Variants in ZNF536 observed in about 807,000 individuals in gnomAD.
The protein encoded by ZNF536 is zinc finger protein 536.
In ZNF536, 13 loss-of-function variants were observed where a neutral mutation model predicts 84.5. The observed-to-expected ratio is 0.15, with a 90% CI of 0.10 to 0.24. ZNF536 has a LOEUF of 0.24. ZNF536 is among the 10% of genes least tolerant of loss of function. The pLI is 1.00. For synonymous variants in ZNF536, 811 were observed against 742.5 expected (o/e 1.09, Z -1.50); for missense variants, 1,536 against 1,747.5 (o/e 0.88, Z 2.16).
At chr19:30,428,787 T>C (rs1178305063) in intron 1 of ZNF536, among the ~76,000 whole-genome samples, 1 of 152,202 alleles carries the variant, frequency 6.6e-6, no homozygotes, top group East Asian at 1.9e-4. Flanking sequence ...ATTTTCTCCC[T>C]TGTGCAGAGA....
upstream of ZNF536, among the ~76,000 whole-genome samples, chr19:30,368,633 C>T (rs531528614): frequency 2.0e-5 from 3 of 152,336 alleles, no homozygotes; most frequent in African/African-American, 4.8e-5. Context: ...AAACTCAACA[C>T]GTTGATGACC....
At chr19:30,650,973 A>G (rs2049679005) in intron 1 of ZNF536, among the ~76,000 whole-genome samples, 1 of 152,250 alleles carries the variant, frequency 6.6e-6, no homozygotes, top group Non-Finnish European at 1.5e-5. Flanking sequence ...AATATATGTG[A>G]ATGACTGCAT....
At chr19:30,585,061 C>A (rs2146718664) in intron 1 of ZNF536, among the ~76,000 whole-genome samples, 1 of 151,758 alleles carries the variant, frequency 6.6e-6, no homozygotes, top group African/African-American at 2.4e-5. Flanking sequence ...GGCTGGAATT[C>A]AGTGGCCATG....
At chr19:30,512,381 T>C (rs2055449386) in intron 2 of ZNF536, among the ~76,000 whole-genome samples, 1 of 152,182 alleles carries the variant, frequency 6.6e-6, no homozygotes. Flanking sequence ...TAAATGCCAT[T>C]ATTAACATCA....
At chr19:30,692,491 A>G (rs2051452441) in intron 1 of ZNF536, among the ~76,000 whole-genome samples, 1 of 152,222 alleles carries the variant, frequency 6.6e-6, no homozygotes, top group Non-Finnish European at 1.5e-5. Context: ...GAGATTGTAG[A>G]AGGCAAGTCA....
At chr19:30,685,044 A>C (rs1203733388) in intron 1 of ZNF536, among the ~76,000 whole-genome samples, 4 of 152,148 alleles carry the variant, frequency 2.6e-5, no homozygotes, top group African/African-American at 9.7e-5. Context: ...TGATTAGCCT[A>C]CCAGATTGGA....
At chr19:30,542,349 C>A (rs572289490) in intron 3 of ZNF536, among the ~76,000 whole-genome samples, 1 of 152,160 alleles carries the variant, frequency 6.6e-6, no homozygotes, top group African/African-American at 2.4e-5. Context: ...CTAATTAAAC[C>A]ACCTGGTCGT....
chr19:30,712,608 G>A (rs931253373), exon 2 of ZNF536: 3 of 152,070 alleles, frequency 2.0e-5, no homozygotes, highest in Admixed American at 6.5e-5. Context: ...TAAGGAATCC[G>A]GTTTGCATAT....
At chr19:30,413,166 T>C (rs776858545) in intron 1 of ZNF536, among the ~76,000 whole-genome samples, 12 of 152,164 alleles carry the variant, frequency 7.9e-5, no homozygotes, top group Non-Finnish European at 1.8e-4. Context: ...CTGTTTTTAG[T>C]TGTATTGAAT....
intron 1 of ZNF536, among the ~76,000 whole-genome samples, chr19:30,384,059 C>A (rs1255534028): frequency 2.1e-5 from 3 of 143,518 alleles, no homozygotes; most frequent in African/African-American, 5.2e-5. Flanking sequence ...TACTCACTTA[C>A]TCCTCCCCTT....
At chr19:30,394,542 C>T (rs1250064347) in intron 1 of ZNF536, among the ~76,000 whole-genome samples, 2 of 152,204 alleles carry the variant, frequency 1.3e-5, no homozygotes, top group Non-Finnish European at 2.9e-5. Flanking sequence ...AGAGGAAGCT[C>T]CTTCTTCAGC....
chr19:30,269,024 T>A (rs2025673861), intron 1 of ZNF536, among the ~76,000 whole-genome samples: 1 of 152,202 alleles, frequency 6.6e-6, no homozygotes, highest in Admixed American at 6.5e-5. Flanking sequence ...ACAATGCAAG[T>A]CCCGCTCAGG....
At chr19:30,649,019 C>T (rs1371004437) in intron 1 of ZNF536, among the ~76,000 whole-genome samples, 2 of 152,108 alleles carry the variant, frequency 1.3e-5, no homozygotes, top group East Asian at 1.9e-4. Flanking sequence ...CACTTCAGGG[C>T]GATGGGGTAG....
At position 30,647,091 on chromosome 19, in the gene ZNF536, CT is replaced by C. The variant is rs201362597; in HGVS notation, c.170-63665del. Among the ~76,000 whole-genome samples, 92 of 152,290 alleles carry C rather than the reference CT, an allele frequency of 6.0e-4. No homozygotes were observed. The East Asian group carries it at 0.018, about 29-fold the overall frequency. On this transcript the variant is annotated intron_variant, in intron 1 of 1. Transcript: ENST00000592773. ...CTTAAAGTCCCAGTAAATTATACCC[CT>C]GGTTTCCCTCTTGAATTCCTTTTTG...
chr19:30,294,997 G>T (rs1600110759), intron 2 of ZNF536, among the ~76,000 whole-genome samples: 2 of 152,284 alleles, frequency 1.3e-5, no homozygotes, highest in Admixed American at 6.5e-5. Context: ...CTACCTGAAG[G>T]GTGGGTGTCT....
At chr19:30,547,218 T>G (rs2045591279) in intron 3 of ZNF536, among the ~76,000 whole-genome samples, 2 of 152,220 alleles carry the variant, frequency 1.3e-5, no homozygotes, top group South Asian at 4.1e-4. Flanking sequence ...TTACTCATTT[T>G]CTTTTAAGTT....
chr19:30,276,935 T>C (rs1224439189), intron 1 of ZNF536, among the ~76,000 whole-genome samples: 1 of 152,196 alleles, frequency 6.6e-6, no homozygotes, highest in African/African-American at 2.4e-5. Flanking sequence ...CAGATGTTGC[T>C]TTTGCACAAC....
Position 30,311,668 on chromosome 19 carries a change from T to C in ZNF536, c.-120+27527T>C, listed in dbSNP as rs1030289623. On this transcript the variant is annotated intron_variant, in intron 2 of 5. Coordinates refer to the ZNF536 transcript ENST00000585628. ...CCCACTCTCTCATTCCCCAGCCTGATACCTGCCCAACTTAGTTAGCCTAGT... is the reference window on the plus strand; with the variant it reads ...CCCACTCTCTCATTCCCCAGCCTGACACCTGCCCAACTTAGTTAGCCTAGT... Among the ~76,000 whole-genome samples, 5 of 152,252 alleles carry C rather than the reference T, an allele frequency of 3.3e-5. No homozygotes were observed. The East Asian group carries it at 5.8e-4, about 18-fold the overall frequency.
intron 1 of ZNF536, among the ~76,000 whole-genome samples, chr19:30,695,402 G>T (rs1027121722): frequency 6.6e-6 from 1 of 152,232 alleles, no homozygotes; most frequent in Non-Finnish European, 1.5e-5. Context: ...GCCTCCTAGA[G>T]CCATTAGCGA....
Sources: gnomAD v4.1 joint callset for allele counts (sites outside exome capture counted in the v4.1 genomes callset) on GRCh38, gnomAD v4.1.1 for gene constraint, MANE v1.5 for transcripts, NCBI Gene and HGNC (gene_info 2026-07-23, HGNC 2026-07-21) for gene names.